Variants in GRIK1 observed in about 807,000 individuals in gnomAD.
GRIK1 encodes the protein glutamate ionotropic receptor kainate type subunit 1.
In GRIK1, 69 loss-of-function variants were observed where a neutral mutation model predicts 105.7. That is an observed-to-expected ratio of 0.65 (90% CI 0.54 to 0.80). GRIK1 has a LOEUF of 0.80. Ranked by LOEUF, GRIK1 falls within the 30% of genes least tolerant of loss-of-function variation. The pLI is 0.00. For synonymous variants in GRIK1, 438 were observed against 431.3 expected (o/e 1.02, Z -0.19); for missense variants, 1,109 against 1,167.3 (o/e 0.95, Z 0.73).
intron 2 of GRIK1, 50 bp from the exon 3 acceptor site, chr21:29,690,035 G>T: frequency 6.9e-7 from 1 of 1,439,576 alleles, no homozygotes; most frequent in Non-Finnish European, 9.7e-7. Flanking sequence ...AGGGAAAGGG[G>T]GAGAGAAAAA....
intron 1 of GRIK1, among the ~76,000 whole-genome samples, chr21:29,914,563 T>C (rs2070929419): frequency 1.3e-5 from 2 of 152,102 alleles, no homozygotes; most frequent in South Asian, 4.1e-4. Context: ...ACCATGGTAT[T>C]CATTGGCTTG....
At chr21:29,820,808 A>G (rs897236649) in intron 1 of GRIK1, among the ~76,000 whole-genome samples, 2 of 152,054 alleles carry the variant, frequency 1.3e-5, no homozygotes, top group Non-Finnish European at 2.9e-5. Flanking sequence ...ATTACTAGGC[A>G]ATCAGGATTT....
chr21:29,764,545 C>T (rs899895612), intron 1 of GRIK1, among the ~76,000 whole-genome samples: 3 of 152,166 alleles, frequency 2.0e-5, no homozygotes, highest in African/African-American at 7.2e-5. Context: ...TCAAAGGAAA[C>T]ACCACTAACA....
chr21:29,628,581 A>T (rs941832775), intron 7 of GRIK1, among the ~76,000 whole-genome samples: 3 of 152,210 alleles, frequency 2.0e-5, no homozygotes, highest in African/African-American at 7.2e-5. Flanking sequence ...TTTTACAAAA[A>T]GCTAGTTTTG....
intron 4 of GRIK1, 123 bp from the exon 5 acceptor site, chr21:29,654,986 C>G (rs1200887694): frequency 2.8e-6 from 2 of 716,294 alleles, no homozygotes; most frequent in Non-Finnish European, 5.0e-6. Context: ...AATCCACAAA[C>G]TCAGCAGATC....
chr21:29,753,315 A>G (rs967667559), intron 1 of GRIK1, among the ~76,000 whole-genome samples: 3 of 152,204 alleles, frequency 2.0e-5, no homozygotes, highest in African/African-American at 7.2e-5. Flanking sequence ...AATAGGTGAG[A>G]GGTAATTAAT....
At chr21:29,870,475 TA>T (rs1374113025) in intron 1 of GRIK1, among the ~76,000 whole-genome samples, 1 of 151,632 alleles carries the variant, frequency 6.6e-6, no homozygotes, top group African/African-American at 2.4e-5. Context: ...TTACACTAAA[TA>T]AAATGTTTTA....
intron 1 of GRIK1, among the ~76,000 whole-genome samples, chr21:29,889,498 C>CT (rs145410391): frequency 1.2e-4 from 18 of 149,372 alleles, no homozygotes; most frequent in African/African-American, 2.9e-4. Context: ...CCTTCTCCTT[C>CT]TTTTTTTTTT....
At position 29,578,495 on chromosome 21, in the gene GRIK1, C is replaced by A. The variant is rs114007353; in HGVS notation, c.1913-1314G>T. 5.3e-3 allele frequency among the ~76,000 whole-genome samples: 801 copies of A among 152,302 alleles called. 5 individuals carry two copies. The highest frequency in any genetic ancestry group is 0.018 in the African/African-American group (731 of 41,562). On this transcript the variant is annotated intron_variant, in intron 13 of 17. Transcript: ENST00000327783. The stretch of plus-strand genomic sequence containing the variant: ...CAGCCAGCTCAAGGCCAGTGATAAT[C>A]AGATCAAGGTCGCCAGAGTTTCTGG...
chr21:29,603,266 A>G (rs1363459593), intron 7 of GRIK1, among the ~76,000 whole-genome samples: 2 of 151,930 alleles, frequency 1.3e-5, no homozygotes, highest in Non-Finnish European at 2.9e-5. Context: ...TGATATGTGG[A>G]CAAGAAAAGG....
chr21:29,561,656 T>C lies in GRIK1; in HGVS notation c.2324A>G (p.Asp775Gly). 1 of 1,613,510 alleles carries C rather than the reference T, an allele frequency of 6.2e-7. No individual in the cohort carries two copies. Among genetic ancestry groups the C allele is most frequent in the Non-Finnish European group, 8.5e-7 (1 of 1,179,504 alleles). ...TGTTCCCACTCCGTAACCTTTGGAG[T>C]CAATGAGGCCCCCGATCTGAGTGAG... ...CNLTQIGGLI[D>G]SKGYGVGTPI... Residue 775 changes from aspartate (D) to glycine (G), a missense_variant, in exon 15 of 18, where the codon GAC becomes GGC. Around this residue, in one of 5 missense-constraint regions of GRIK1, gnomAD observed 264 missense variants for 306.9 expected, o/e 0.86. Coordinates refer to ENST00000327783, the MANE Select transcript of GRIK1 (RefSeq NM_001330994.2).
intron 1 of GRIK1, among the ~76,000 whole-genome samples, chr21:29,756,354 C>G (rs1332737063): frequency 6.6e-6 from 1 of 152,098 alleles, no homozygotes; most frequent in African/African-American, 2.4e-5. Context: ...GCACTCCAGC[C>G]TGGGCAACAG....
chr21:29,879,027 A>G (rs1256425218), intron 1 of GRIK1, among the ~76,000 whole-genome samples: 1 of 152,118 alleles, frequency 6.6e-6, no homozygotes, highest in Non-Finnish European at 1.5e-5. Flanking sequence ...ATTAACTAAG[A>G]CAGCCACTCA....
At chr21:29,560,745 G>A (rs1198591380) in intron 15 of GRIK1, among the ~76,000 whole-genome samples, 5 of 151,246 alleles carry the variant, frequency 3.3e-5, no homozygotes. Flanking sequence ...GGGACTATAG[G>A]CACATGGCAC....
intron 1 of GRIK1, among the ~76,000 whole-genome samples, chr21:29,836,544 A>G (rs1166381137): frequency 2.0e-5 from 3 of 152,196 alleles, no homozygotes; most frequent in Admixed American, 2.0e-4. Flanking sequence ...AGGCAGATTA[A>G]AAATAAGATC....
At chr21:29,565,789 G>A (rs184934664) in intron 14 of GRIK1, among the ~76,000 whole-genome samples, 6 of 152,290 alleles carry the variant, frequency 3.9e-5, no homozygotes, top group East Asian at 3.9e-4. Flanking sequence ...ATGCTTAGAC[G>A]AGTTTCACAT....
Position 29,712,101 on chromosome 21 carries a change from C to T in GRIK1, c.119-18038G>A, listed in dbSNP as rs1010157672. On this transcript the variant is annotated intron_variant, in intron 1 of 17. Transcript: ENST00000327783. ...ACATACATACACACACACACACACACACACACACACACACACACACACATA... is the reference window on the plus strand; with the variant it reads ...ACATACATACACACACACACACACATACACACACACACACACACACACATA... Among the ~76,000 whole-genome samples, 72 of 150,944 alleles carry T rather than the reference C, an allele frequency of 4.8e-4. No individual in the cohort carries two copies. In the East Asian group the frequency reaches 0.013, roughly 27 times the overall value.
rs1027724162 is a variant in GRIK1, at chr21:29,682,586, A to G, written c.544+7142T>C. Among the ~76,000 whole-genome samples, 3 of 152,208 alleles carry G rather than the reference A, an allele frequency of 2.0e-5. No individual in the cohort carries two copies. The South Asian group carries it at 6.2e-4, about 32-fold the overall frequency. ...AGATAACTTGCTAGCCATATGTAGA[A>G]GAATAAAACAGGACCCCTGTCTTTC... On this transcript the variant is annotated intron_variant, in intron 3 of 17. Coordinates refer to ENST00000327783, the MANE Select transcript of GRIK1 (RefSeq NM_001330994.2).
At chr21:29,627,495 A>C (rs2898163) in intron 7 of GRIK1, among the ~76,000 whole-genome samples, 3,093 of 152,264 alleles carry the variant, frequency 0.02, 95 homozygotes, top group African/African-American at 0.071. Context: ...CCCGTGCCCC[A>C]CACCATCACC....
Sources: allele counts gnomAD v4.1 joint callset (sites outside exome capture counted in the v4.1 genomes callset), GRCh38; gene constraint gnomAD v4.1.1; regional missense constraint gnomAD v4.1.1; transcripts MANE v1.5; gene names NCBI Gene and HGNC (gene_info 2026-07-23, HGNC 2026-07-21).